COP1: variants seen among roughly 807,000 people sequenced by gnomAD.
COP1 encodes COP1 E3 ubiquitin ligase.
In COP1, 24 loss-of-function variants were observed where a neutral mutation model predicts 101.3. The observed-to-expected ratio is 0.24, with a 90% CI of 0.17 to 0.33. The LOEUF (loss-of-function observed/expected upper bound fraction) is 0.33, where lower values mean the gene tolerates loss of function less well. Ranked by LOEUF, COP1 falls within the 10% of genes least tolerant of loss-of-function variation. COP1 has a pLI of 1.00. For synonymous variants in COP1, 347 were observed against 341.9 expected, an observed-to-expected ratio of 1.01 and a Z score of -0.17; for missense variants, 663 against 906.2, an observed-to-expected ratio of 0.73 and a Z score of 3.45.
At chr1:176,175,871 C>T (rs781634653) in intron 3 of COP1, 39 bp downstream of exon 3, 31 of 1,201,030 alleles carry the variant, frequency 2.6e-5, no homozygotes, top group African/African-American at 1.7e-4. Context: ...TTTTGGGGAT[C>T]GAAATATTTT....
At chr1:175,993,963 T>C (rs937889772) in intron 15 of COP1, among the ~76,000 whole-genome samples, 1 of 151,776 alleles carries the variant, frequency 6.6e-6, no homozygotes, top group Non-Finnish European at 1.5e-5. Context: ...AAAGTTGAAA[T>C]GAAGGAAAAA....
chr1:176,005,265 A>G (rs1662836739), intron 15 of COP1, among the ~76,000 whole-genome samples: 1 of 151,982 alleles, frequency 6.6e-6, no homozygotes, highest in Non-Finnish European at 1.5e-5. Flanking sequence ...TAGTCTTGCT[A>G]GTGGTCTATC....
chr1:176,098,880 G>C (rs1572220835), intron 9 of COP1, among the ~76,000 whole-genome samples: 3 of 152,240 alleles, frequency 2.0e-5, no homozygotes, highest in Non-Finnish European at 4.4e-5. Context: ...AGAGTCCCTG[G>C]AGTATCCAAA....
intron 11 of COP1, among the ~76,000 whole-genome samples, chr1:176,080,251 G>GT (rs534152558): frequency 5.9e-5 from 9 of 151,908 alleles, no homozygotes; most frequent in East Asian, 3.9e-4. Flanking sequence ...TATCACATCA[G>GT]TTTTTTTTGT....
intron 14 of COP1, among the ~76,000 whole-genome samples, chr1:176,034,688 A>G (rs1375406157): frequency 6.6e-6 from 1 of 152,202 alleles, no homozygotes; most frequent in Non-Finnish European, 1.5e-5. Flanking sequence ...TGGCACAGTC[A>G]CTTCTGAGCT....
chr1:176,206,027 G>A (rs1025798129), intron 1 of COP1, among the ~76,000 whole-genome samples: 2 of 152,168 alleles, frequency 1.3e-5, no homozygotes, highest in African/African-American at 2.4e-5. Flanking sequence ...ACATACGATA[G>A]GTACTTACAT....
intron 18 of COP1, 158 bp from the exon 19 acceptor site, chr1:175,947,397 G>A (rs1367660004): frequency 3.6e-6 from 2 of 553,040 alleles, no homozygotes; most frequent in South Asian, 2.1e-5. Flanking sequence ...TTGAGACGGA[G>A]TCTTGCTCTG....
chr1:176,053,601 T>TAA lies in COP1; in HGVS notation c.1278-7279_1278-7278dup, dbSNP rs1484522140. Among the ~76,000 whole-genome samples the TAA allele has an allele frequency of 3.3e-5, 5 of 152,160 alleles. No individual in the cohort carries two copies. The East Asian group carries it at 5.8e-4, about 18-fold the overall frequency. ...ACTTCACACAACCATGACCACACCC[T>TAA]AAACACTTTTTCATTACCAATAACT... On this transcript the variant is annotated intron_variant, in intron 11 of 19. Coordinates refer to ENST00000367669, the MANE Select transcript of COP1 (RefSeq NM_022457.7).
chr1:176,175,718 T>A (rs932758955), intron 3 of COP1, among the ~76,000 whole-genome samples, 192 bp downstream of exon 3: 2 of 152,172 alleles, frequency 1.3e-5, no homozygotes, highest in Non-Finnish European at 2.9e-5. Context: ...AATTTTTTAA[T>A]AAAACTTAAA....
rs1395315963 is a variant in COP1, at chr1:176,095,957, AC to A, written c.1027-10068del. ...ATTAAATCCAGGCCTTTGCATGTATACCTTTTTACTATTCTGTGACAAAATG... is the reference window on the plus strand; with the variant it reads ...ATTAAATCCAGGCCTTTGCATGTATACTTTTTACTATTCTGTGACAAAATG... On this transcript the variant is annotated intron_variant, in intron 9 of 19. Transcript: ENST00000367669. Among the ~76,000 whole-genome samples the A allele has an allele frequency of 2.0e-5, 3 of 152,188 alleles. No homozygotes were observed. In the East Asian group the frequency reaches 5.8e-4, roughly 29 times the overall value.
chr1:176,078,817 T>C (rs762465203), intron 11 of COP1, among the ~76,000 whole-genome samples: 2 of 148,894 alleles, frequency 1.3e-5, no homozygotes, highest in Non-Finnish European at 3.0e-5. Flanking sequence ...AACAAAAAAA[T>C]CCAATAAAAA....
At chr1:176,113,365 G>A (rs1320159262) in intron 9 of COP1, among the ~76,000 whole-genome samples, 1 of 152,082 alleles carries the variant, frequency 6.6e-6, no homozygotes, top group Non-Finnish European at 1.5e-5. Context: ...TCTATTTAGA[G>A]TTTTTGTCAA....
chr1:176,077,859 C>T (rs543442023), intron 11 of COP1, among the ~76,000 whole-genome samples: 16 of 152,120 alleles, frequency 1.1e-4, no homozygotes, highest in African/African-American at 3.9e-4. Flanking sequence ...ATACTAATAA[C>T]ATTCTAGCTG....
At chr1:176,066,607 C>T (rs145757932) in intron 11 of COP1, among the ~76,000 whole-genome samples, 7 of 152,290 alleles carry the variant, frequency 4.6e-5, no homozygotes, top group Admixed American at 1.3e-4. Flanking sequence ...CTGACTTTTA[C>T]GTCAAGGTGA....
intron 2 of COP1, among the ~76,000 whole-genome samples, chr1:176,181,841 C>CA (rs559971333): frequency 0.075 from 10,396 of 139,158 alleles, 422 homozygotes; most frequent in Middle Eastern, 0.14. Context: ...GACTCCATCT[C>CA]AAAAAAAAAA....
intron 14 of COP1, among the ~76,000 whole-genome samples, chr1:176,033,635 T>C (rs1458233480): frequency 6.6e-6 from 1 of 152,200 alleles, no homozygotes; most frequent in African/African-American, 2.4e-5. Flanking sequence ...AAAGAACCTT[T>C]AAAATGACTC....
chr1:176,165,395 T>TGTGG lies in COP1; in HGVS notation c.566-1505_566-1504insCCAC, dbSNP rs1553302028. On this transcript the variant is annotated intron_variant, in intron 3 of 19. Transcript: ENST00000367669. ...GTGTGTGTGTGTGTGTGTGTGTGTG[T>TGTGG]GTGTGTGTGTGTAGGAGATACAACG... Among the ~76,000 whole-genome samples the TGTGG allele has an allele frequency of 6.8e-3, 973 of 142,702 alleles. 82 individuals are homozygous for TGTGG. The highest frequency in any genetic ancestry group is 0.014 in the African/African-American group (510 of 36,596). The allele number at this position is 142,702 out of a possible 152,430, so 93.6% of individuals were successfully genotyped here. A position where few individuals can be genotyped will look rare whatever the true frequency, so the allele number is the denominator to read the frequency against.
At chr1:176,206,516 C>T in intron 1 of COP1, 56 bp downstream of exon 1, 1 of 1,584,232 alleles carries the variant, frequency 6.3e-7, no homozygotes, top group Non-Finnish European at 8.5e-7. Context: ...GCCCCCAAGC[C>T]TAAGCGGCAG....
chr1:176,190,134 A>G lies in COP1; in HGVS notation c.408-5442T>C, dbSNP rs1004214707. Among the ~76,000 whole-genome samples, 5 of 152,136 alleles carry G rather than the reference A, an allele frequency of 3.3e-5. No individual in the cohort carries two copies. The East Asian group carries it at 9.6e-4, about 29-fold the overall frequency. ...AACTACTGCAGGGTGAATATCCATC[A>G]TCCAAAATGGTTGAGACCAGAAGTG... is the stretch of plus-strand genomic sequence containing the variant. On this transcript the variant is annotated intron_variant, in intron 1 of 19. Coordinates refer to ENST00000367669, the MANE Select transcript of COP1 (RefSeq NM_022457.7).
Sources: allele counts gnomAD v4.1 joint callset (sites outside exome capture counted in the v4.1 genomes callset), GRCh38; gene constraint gnomAD v4.1.1; transcripts MANE v1.5; gene names NCBI Gene and HGNC (gene_info 2026-07-23, HGNC 2026-07-21).